Variants in WDHD1 observed in about 807,000 individuals in gnomAD.
WDHD1 encodes the protein WD repeat and HMG-box DNA binding protein 1.
In WDHD1, 111 loss-of-function variants were observed where a neutral mutation model predicts 135.4. The observed-to-expected ratio is 0.82, with a 90% CI of 0.70 to 0.96. The LOEUF is 0.96. WDHD1 is among the 40% of genes least tolerant of loss of function. The pLI is 0.00. For missense variants in WDHD1, 1,351 were observed against 1,336.3 expected (o/e 1.01, Z -0.17); for synonymous variants, 434 against 439.0 (o/e 0.99, Z 0.14).
intron 16 of WDHD1, among the ~76,000 whole-genome samples, chr14:54,972,162 C>T (rs995801799): frequency 6.6e-6 from 1 of 151,696 alleles, no homozygotes; most frequent in Non-Finnish European, 1.5e-5. Flanking sequence ...GTAGTCCCAG[C>T]TACTCAGGAG....
At chr14:54,949,659 A>G (rs1184527658) in intron 24 of WDHD1, among the ~76,000 whole-genome samples, 1 of 152,174 alleles carries the variant, frequency 6.6e-6, no homozygotes, top group Non-Finnish European at 1.5e-5. Context: ...GAATGCCACA[A>G]AGATACTCCT....
chr14:54,945,679 T>C (rs1380742072), intron 24 of WDHD1, among the ~76,000 whole-genome samples: 1 of 152,188 alleles, frequency 6.6e-6, no homozygotes, highest in African/African-American at 2.4e-5. Flanking sequence ...CAGCTGGGAC[T>C]ACAGGTACGC....
rs1310689560 is a variant in WDHD1, at chr14:54,989,210, C to T, written c.1344G>A (p.Val448=). 3 of 1,608,836 alleles carry T rather than the reference C, an allele frequency of 1.9e-6. No homozygotes were observed. Among genetic ancestry groups the T allele is most frequent in the Non-Finnish European group, 2.5e-6 (3 of 1,177,718 alleles). ...AGCGAATAATTCCAATAGAGTTCCA[C>T]ACCTACAAACAGGTAAGATTAAATA... ...TPLHLTHRFM[V]WNSIGIIRCY... The change falls in exon 13 of 26, where the codon GTG becomes GTA. Residue 448 remains valine (V), a splice_region_variant and synonymous_variant. Transcript: ENST00000360586.
chr14:54,989,509 A>AT lies in WDHD1; in HGVS notation c.1342-298dup. Among the ~76,000 whole-genome samples the AT allele has an allele frequency of 1.3e-5, 2 of 152,296 alleles. 1 individual carries two copies. Among genetic ancestry groups the AT allele is most frequent in the East Asian group, 3.9e-4 (2 of 5,190 alleles). ...TACATGACTGTTACTTTAAAAGCAC[A>AT]TTACAGTTGTCCTTTGAACAACCAA... On this transcript the variant is annotated intron_variant, in intron 12 of 25. Transcript: ENST00000360586.
intron 24 of WDHD1, among the ~76,000 whole-genome samples, chr14:54,952,204 A>G (rs539683844): frequency 3.9e-5 from 6 of 152,136 alleles, no homozygotes. Context: ...GTCAAATTGT[A>G]CCTGTTTGCA....
chr14:54,988,887 T>C, intron 13 of WDHD1, 141 bp downstream of exon 13: 1 of 647,948 alleles, frequency 1.5e-6, no homozygotes, highest in Non-Finnish European at 2.5e-6. Context: ...ATTTTGGGTG[T>C]GCTGGTGTTT....
At chr14:55,026,531 T>A (rs1329954723) in intron 2 of WDHD1, among the ~76,000 whole-genome samples, 180 bp downstream of exon 2, 1 of 111,724 alleles carries the variant, frequency 9.0e-6, no homozygotes, top group East Asian at 4.9e-4. Flanking sequence ...TTTGTCGATA[T>A]ACTACAACTA....
rs2041671479 is a variant in WDHD1 at position 54,984,795 on chromosome 14, G to T, written c.1834C>A (p.Gln612Lys). The T allele has an allele frequency of 6.2e-7, 1 of 1,613,716 alleles. No homozygotes were observed. The highest frequency in any genetic ancestry group is 2.2e-5 in the East Asian group (1 of 44,844). ...GGAAGAGGGTCACCATGCAAAATTT[G>T]TTTTTTCTTTTTCCCCAGCTCTAGC... is the stretch of plus-strand genomic sequence containing the variant. Reference protein sequence around the residue: ...QLLELGKKKKQILHGDPLPLT... With the variant: ...QLLELGKKKKKILHGDPLPLT... The change falls in exon 15 of 26, where the codon CAA becomes AAA. Residue 612 changes from glutamine (Q) to lysine (K), a missense_variant. This residue lies in a region of WDHD1 where 1,330 missense variants were observed against 1,296.1 expected (regional missense o/e 1.03). Coordinates refer to ENST00000360586, the MANE Select transcript of WDHD1 (RefSeq NM_007086.4).
chr14:54,961,142 C>T (rs2041245108), intron 21 of WDHD1, among the ~76,000 whole-genome samples: 1 of 151,646 alleles, frequency 6.6e-6, no homozygotes, highest in African/African-American at 2.4e-5. Context: ...CACAGTGTGC[C>T]ATGCTATACC....
intron 2 of WDHD1, among the ~76,000 whole-genome samples, chr14:55,026,207 G>A (rs771657965): frequency 6.6e-6 from 1 of 152,032 alleles, no homozygotes; most frequent in Non-Finnish European, 1.5e-5. Context: ...CCGTGCAATC[G>A]AGCAGTAGTG....
intron 24 of WDHD1, among the ~76,000 whole-genome samples, chr14:54,948,902 G>A (rs2040984412): frequency 1.3e-5 from 2 of 152,130 alleles, no homozygotes; most frequent in Admixed American, 1.3e-4. Flanking sequence ...GTCTGGAGTG[G>A]GCCTCCAGCA....
At chr14:55,015,379 C>CAAAAA (rs60609405) in intron 2 of WDHD1, among the ~76,000 whole-genome samples, 1 of 54,438 alleles carries the variant, frequency 1.8e-5, no homozygotes, top group Non-Finnish European at 3.0e-5. Flanking sequence ...GACACTGTCT[C>CAAAAA]AAAAAAAAAA....
At chr14:54,981,196 T>G (rs1645714001) in intron 16 of WDHD1, among the ~76,000 whole-genome samples, 4 of 109,792 alleles carry the variant, frequency 3.6e-5, no homozygotes, top group Admixed American at 3.2e-4. Context: ...CAATTGAATA[T>G]ATATTGTTTT....
chr14:54,990,766 G>T (rs1214568059), intron 12 of WDHD1, among the ~76,000 whole-genome samples: 1 of 152,092 alleles, frequency 6.6e-6, no homozygotes, highest in African/African-American at 2.4e-5. Context: ...CATTCTGGTG[G>T]GTGGTGGAGT....
intron 21 of WDHD1, among the ~76,000 whole-genome samples, chr14:54,958,695 T>C (rs2140162863): frequency 6.6e-6 from 1 of 152,270 alleles, no homozygotes; most frequent in African/African-American, 2.4e-5. Flanking sequence ...TTCCCTGACT[T>C]AGTTCCTTCC....
At position 54,944,351 on chromosome 14, in the gene WDHD1, A is replaced by G; in HGVS notation, c.3170T>C (p.Leu1057Ser). Reference protein sequence around the residue: ...IKEGMIRFRVLSTEERKVWAN... With the variant: ...IKEGMIRFRVSSTEERKVWAN... ...CCTTACCTTTCTTTCTTCAGTTGAC[A>G]ATACTCTAAATCGAATCATTCCTTC... Residue 1057 changes from leucine (L) to serine (S), a missense_variant, in exon 25 of 26, where the codon TTG becomes TCG. Leu to Ser is a moderately radical substitution (Grantham distance 145). Coordinates refer to ENST00000360586, the MANE Select transcript of WDHD1 (RefSeq NM_007086.4). 1 of 1,604,970 alleles carries G rather than the reference A, an allele frequency of 6.2e-7. No individual in the cohort carries two copies. The highest frequency in any genetic ancestry group is 8.5e-7 in the Non-Finnish European group (1 of 1,178,214).
At chr14:54,956,805 G>T (rs2041166656) in intron 23 of WDHD1, among the ~76,000 whole-genome samples, 1 of 152,066 alleles carries the variant, frequency 6.6e-6, no homozygotes, top group African/African-American at 2.4e-5. Context: ...TCCCAGACTG[G>T]ACTCAAACTC....
intron 24 of WDHD1, among the ~76,000 whole-genome samples, chr14:54,947,816 T>C (rs2040954782): frequency 6.6e-6 from 1 of 151,982 alleles, no homozygotes; most frequent in Admixed American, 6.5e-5. Context: ...GGTCTCGAAC[T>C]CTTGACCTCA....
chr14:54,972,392 AT>A (rs2041450988), intron 16 of WDHD1, among the ~76,000 whole-genome samples: 1 of 151,586 alleles, frequency 6.6e-6, no homozygotes, highest in Admixed American at 6.6e-5. Context: ...AGCCTGGCCA[AT>A]GTGGTGAAAA....
Sources: allele counts gnomAD v4.1 joint callset (sites outside exome capture counted in the v4.1 genomes callset), GRCh38; gene constraint gnomAD v4.1.1; regional missense constraint gnomAD v4.1.1; transcripts MANE v1.5; gene names NCBI Gene and HGNC (gene_info 2026-07-23, HGNC 2026-07-21).